Variants in AGAP1 observed in about 807,000 individuals in gnomAD.
AGAP1 encodes arf-GAP with GTPase, ANK repeat and PH domain-containing protein 1.
A neutral mutation model predicts 105.3 loss-of-function variants in AGAP1; 29 were observed. The observed-to-expected ratio is 0.28, with a 90% CI of 0.21 to 0.38. The LOEUF (loss-of-function observed/expected upper bound fraction) is 0.38. Ranked by LOEUF, AGAP1 falls within the 10% of genes least tolerant of loss-of-function variation. The probability of loss-of-function intolerance (pLI) is 1.00; values close to 1 mark genes in which losing one functional copy is unlikely to be tolerated. For missense variants in AGAP1, 998 were observed against 1,165.1 expected (o/e 0.86, Z 2.09); for synonymous variants, 509 against 485.9 (o/e 1.05, Z -0.63).
chr2:235,769,977 C>G lies in AGAP1; in HGVS notation c.673+19489C>G, dbSNP rs759003061. Among the ~76,000 whole-genome samples the G allele has an allele frequency of 6.6e-6, 1 of 152,212 alleles. No individual in the cohort carries two copies. The highest frequency in any genetic ancestry group is 1.5e-5 in the Non-Finnish European group (1 of 68,044). ...ATATATTAGCAAGTGTATCTCATATCTTCTGAATACACACATTTAAACATG... is the reference window on the plus strand; with the variant it reads ...ATATATTAGCAAGTGTATCTCATATGTTCTGAATACACACATTTAAACATG... On this transcript the variant is annotated intron_variant, in intron 6 of 17. Transcript: ENST00000304032. This position sits in a 1 kb window ranked among gnomAD's most constrained non-coding sequence, Gnocchi z 4.4.
chr2:235,809,000 T>C (rs1957986858), intron 9 of AGAP1, among the ~76,000 whole-genome samples: 2 of 152,214 alleles, frequency 1.3e-5, no homozygotes, highest in South Asian at 4.1e-4. Flanking sequence ...AAATCAGTTA[T>C]AAAAATAATT....
intron 1 of AGAP1, among the ~76,000 whole-genome samples, chr2:235,525,334 AATACATAATGTGGAGGACTG>A (rs1942788183): frequency 2.9e-5 from 2 of 69,164 alleles, no homozygotes; most frequent in East Asian, 6.0e-4. Flanking sequence ...GTGGAGGACT[AATACATAATGTGGAGGACTG>A]ATACATAATG....
Position 235,631,404 on chromosome 2 carries a change from G to A in AGAP1, c.164-77775G>A, listed in dbSNP as rs1022823709. On this transcript the variant is annotated intron_variant, in intron 1 of 17. Coordinates refer to ENST00000304032, the MANE Select transcript of AGAP1 (RefSeq NM_001037131.3). This position sits in a 1 kb window ranked among gnomAD's most constrained non-coding sequence, Gnocchi z 5.4. ...GCTAGCCAAGGAGAGGCCACGAGGCGGGAGAGCCAAGGAGGACAGCCTCCG... is the reference window on the plus strand; with the variant it reads ...GCTAGCCAAGGAGAGGCCACGAGGCAGGAGAGCCAAGGAGGACAGCCTCCG... 1.3e-5 allele frequency among the ~76,000 whole-genome samples: 2 copies of A among 152,294 alleles called. No individual in the cohort carries two copies. Among genetic ancestry groups the A allele is most frequent in the East Asian group, 1.9e-4 (1 of 5,162 alleles).
In AGAP1 at chr2:236,000,561, G is replaced by A. The variant is rs1203375258; in HGVS notation, c.1645+31938G>A. On this transcript the variant is annotated intron_variant, in intron 13 of 17. Coordinates refer to ENST00000304032, the MANE Select transcript of AGAP1 (RefSeq NM_001037131.3). This position sits in a 1 kb window ranked among gnomAD's most constrained non-coding sequence, Gnocchi z 4.3. Reference sequence around the variant, plus strand: ...AAGCCTGTTCCTAGAAGGCCATGGCGCACCTGCTCTGTGCAGAGGCTGGGC... The same window carrying A: ...AAGCCTGTTCCTAGAAGGCCATGGCACACCTGCTCTGTGCAGAGGCTGGGC... 2.0e-5 allele frequency among the ~76,000 whole-genome samples: 3 copies of A among 152,156 alleles called. No homozygotes were observed. Among genetic ancestry groups the A allele is most frequent in the Admixed American group, 6.5e-5 (1 of 15,284 alleles).
intron 6 of AGAP1, among the ~76,000 whole-genome samples, chr2:235,763,989 T>TGTGGCTTTGATCCGTGC (rs1954688326): frequency 7.0e-6 from 1 of 142,824 alleles, no homozygotes; most frequent in African/African-American, 3.0e-5. Context: ...AAGATCTGTG[T>TGTGGCTTTGATCCGTGC]GTGGCTGTGA....
intron 16 of AGAP1, among the ~76,000 whole-genome samples, chr2:236,085,215 CAAAAAAA>C (rs144353985): frequency 3.9e-4 from 23 of 58,396 alleles, no homozygotes; most frequent in South Asian, 2.2e-3. Flanking sequence ...GACTCCGTCT[CAAAAAAA>C]AAAAAAAAAA....
At position 235,705,514 on chromosome 2, in the gene AGAP1, TCCACG is replaced by T. The variant is rs766491882; in HGVS notation, c.164-3661_164-3657del. ...CCCCACCTACTGAGTGATGAACAAT[TCCACG>T]CCAGCACAGTGTCCAGCCCACAGAT... is the stretch of plus-strand genomic sequence containing the variant. On this transcript the variant is annotated intron_variant, in intron 1 of 17. Coordinates refer to ENST00000304032, the MANE Select transcript of AGAP1 (RefSeq NM_001037131.3). This position sits in a 1 kb window ranked among gnomAD's most constrained non-coding sequence, Gnocchi z 4.9. Among the ~76,000 whole-genome samples, 3 of 152,168 alleles carry T rather than the reference TCCACG, an allele frequency of 2.0e-5. No homozygotes were observed. The highest frequency in any genetic ancestry group is 2.9e-5 in the Non-Finnish European group (2 of 68,028).
At chr2:235,674,846 A>G (rs1341503602) in intron 1 of AGAP1, among the ~76,000 whole-genome samples, 1 of 151,614 alleles carries the variant, frequency 6.6e-6, no homozygotes, top group African/African-American at 2.4e-5. Flanking sequence ...ATGCCACCGC[A>G]CCCAGCTAAT....
rs1251551874 is a variant in AGAP1, at chr2:235,621,785, G to C, written c.164-87394G>C. Among the ~76,000 whole-genome samples the C allele has an allele frequency of 6.6e-6, 1 of 152,230 alleles. No individual in the cohort carries two copies. On this transcript the variant is annotated intron_variant, in intron 1 of 17. Coordinates refer to ENST00000304032, the MANE Select transcript of AGAP1 (RefSeq NM_001037131.3). The surrounding 1 kb of genome is among the most constrained non-coding windows in gnomAD (Gnocchi z 4.1). Reference sequence around the variant, plus strand: ...AGCAGTCACTTGGGAGCTATTCCCAGTCTAACAGGAGAGGGCACATGGCAG... The same window carrying C: ...AGCAGTCACTTGGGAGCTATTCCCACTCTAACAGGAGAGGGCACATGGCAG...
intron 9 of AGAP1, among the ~76,000 whole-genome samples, chr2:235,810,982 C>CAGTTGTACAT (rs1958108881): frequency 6.6e-6 from 1 of 151,780 alleles, no homozygotes; most frequent in African/African-American, 2.4e-5. Flanking sequence ...CATACATAAT[C>CAGTTGTACAT]ACTTGATTGC....
In AGAP1 at chr2:236,121,226, G is replaced by A. The variant is rs1215158915; in HGVS notation, c.2370+779G>A. 2.0e-5 allele frequency among the ~76,000 whole-genome samples: 3 copies of A among 152,256 alleles called. No homozygotes were observed. Among genetic ancestry groups the A allele is most frequent in the Non-Finnish European group, 2.9e-5 (2 of 68,052 alleles). ...TCCACCCGCAAGGCAGGATGGGTCAGTCCAGCACAGCAGCACGTTCTACAG... is the reference window on the plus strand; with the variant it reads ...TCCACCCGCAAGGCAGGATGGGTCAATCCAGCACAGCAGCACGTTCTACAG... On this transcript the variant is annotated intron_variant, in intron 17 of 17. Transcript: ENST00000304032. This position sits in a 1 kb window ranked among gnomAD's most constrained non-coding sequence, Gnocchi z 4.9.
intron 4 of AGAP1, among the ~76,000 whole-genome samples, chr2:235,743,558 C>G (rs115153082): frequency 1.3e-5 from 2 of 152,296 alleles, no homozygotes; most frequent in African/African-American, 2.4e-5. Flanking sequence ...TCTTTGTTTT[C>G]AAGTCCTCAT....
rs1173860263 is a variant in AGAP1 at position 235,751,251 on chromosome 2, C to A, written c.673+763C>A. ...TAAATAAGGACTGATACTTCTAAAG[C>A]CAGTCTTTTCAAGTTGGAAGCTTGG... On this transcript the variant is annotated intron_variant, in intron 6 of 17. Transcript: ENST00000304032. The surrounding 1 kb of genome is among the most constrained non-coding windows in gnomAD (Gnocchi z 5.3). Among the ~76,000 whole-genome samples the A allele has an allele frequency of 1.3e-5, 2 of 152,150 alleles. No homozygotes were observed. Among genetic ancestry groups the A allele is most frequent in the African/African-American group, 4.8e-5 (2 of 41,420 alleles).
At chr2:235,634,413 C>T (rs1400398546) in intron 1 of AGAP1, among the ~76,000 whole-genome samples, 2 of 152,192 alleles carry the variant, frequency 1.3e-5, no homozygotes, top group Non-Finnish European at 2.9e-5. Flanking sequence ...GGAAGGTTCC[C>T]AAGGGCATCC....
Position 235,517,283 on chromosome 2 carries a change from C to T in AGAP1, c.163+22434C>T, listed in dbSNP as rs896994967. Reference sequence around the variant, plus strand: ...GCCTCCTTAAAGACCTTATCTCCAGCGACAGTCACCTTGGGGTGTGAGCCT... The same window carrying T: ...GCCTCCTTAAAGACCTTATCTCCAGTGACAGTCACCTTGGGGTGTGAGCCT... On this transcript the variant is annotated intron_variant, in intron 1 of 17. Coordinates refer to ENST00000304032, the MANE Select transcript of AGAP1 (RefSeq NM_001037131.3). The surrounding 1 kb of genome is among the most constrained non-coding windows in gnomAD (Gnocchi z 4.1). Among the ~76,000 whole-genome samples, 2 of 152,156 alleles carry T rather than the reference C, an allele frequency of 1.3e-5. No individual in the cohort carries two copies. The highest frequency in any genetic ancestry group is 2.4e-5 in the African/African-American group (1 of 41,434).
In AGAP1 at chr2:235,597,488, C is replaced by T; in HGVS notation, c.163+102639C>T. Among the ~76,000 whole-genome samples, 2 of 152,216 alleles carry T rather than the reference C, an allele frequency of 1.3e-5. 1 individual carries two copies. The highest frequency in any genetic ancestry group is 2.9e-5 in the Non-Finnish European group (2 of 68,042). On this transcript the variant is annotated intron_variant, in intron 1 of 17. Coordinates refer to ENST00000304032, the MANE Select transcript of AGAP1 (RefSeq NM_001037131.3). Reference sequence around the variant, plus strand: ...TCCTTTTTCCCTGTCTCCTGAGCTTCAGACTAGTTGACCCTAAGGGGTGTC... The same window carrying T: ...TCCTTTTTCCCTGTCTCCTGAGCTTTAGACTAGTTGACCCTAAGGGGTGTC...
At chr2:235,852,761 T>C in intron 9 of AGAP1, 2 of 1,533,826 alleles carry the variant, frequency 1.3e-6, no homozygotes, top group Non-Finnish European at 1.8e-6. Flanking sequence ...CCGTCAGTCC[T>C]CCCCCTGGCC....
At chr2:236,103,538 TTTTCCTTTC>T (rs1307989481) in intron 16 of AGAP1, among the ~76,000 whole-genome samples, 2 of 151,984 alleles carry the variant, frequency 1.3e-5, no homozygotes, top group African/African-American at 4.8e-5. Flanking sequence ...TCTTTTCTCT[TTTTCCTTTC>T]TTTCCTTTCT....
chr2:235,869,457 C>T (rs966549736), intron 9 of AGAP1, among the ~76,000 whole-genome samples: 55 of 125,974 alleles, frequency 4.4e-4, no homozygotes, highest in African/African-American at 1.5e-3. Flanking sequence ...AAAAATTAGC[C>T]GGGCGTGACG....
Sources: gnomAD v4.1 joint callset for allele counts (sites outside exome capture counted in the v4.1 genomes callset) on GRCh38, gnomAD v4.1.1 for gene constraint, Gnocchi (gnomAD v3.1) non-coding constraint, MANE v1.5 for transcripts, NCBI Gene and HGNC (gene_info 2026-07-23, HGNC 2026-07-21) for gene names.